The following NHSL2 variants were observed in gnomAD, a reference collection of about 807,000 sequenced individuals.
NHSL2 encodes the protein NHS-like protein 2.
In NHSL2, 27 loss-of-function variants were observed where a neutral mutation model predicts 53.4. That is an observed-to-expected ratio of 0.51 (90% CI 0.37 to 0.70). NHSL2 has a LOEUF of 0.70. Ranked by LOEUF, NHSL2 falls within the 30% of genes least tolerant of loss-of-function variation. NHSL2 has a pLI of 0.00. For synonymous variants in NHSL2, 408 were observed against 404.1 expected (o/e 1.01, Z -0.12); for missense variants, 892 against 980.1 (o/e 0.91, Z 1.20).
intron 1 of NHSL2, among the ~76,000 whole-genome samples, chrX:72,086,996 G>C (rs772100600): frequency 1.8e-5 from 2 of 112,042 alleles, no homozygotes; most frequent in African/African-American, 6.5e-5. Context: ...GCACTGGGCT[G>C]TGAGAGGGCC....
At chrX:72,071,201 G>A (rs2041699768) in intron 1 of NHSL2, among the ~76,000 whole-genome samples, 1 of 111,828 alleles carries the variant, frequency 8.9e-6, no homozygotes, top group African/African-American at 3.3e-5. Context: ...GGTGGACTGA[G>A]CCAAAGAATA....
chrX:72,132,104 T>C lies in NHSL2; in HGVS notation c.306T>C (p.Asn102=). ...ELAAANSGRE[N]ATATAHSRSS... The stretch of plus-strand genomic sequence containing the variant: ...CTGCAGCTAACTCGGGTCGGGAAAA[T>C]GCGACAGCGACTGCCCACTCGAGGT... The change falls in exon 2 of 8, where the codon AAT becomes AAC. Residue 102 remains asparagine (N), a synonymous_variant. Coordinates refer to ENST00000633930, the MANE Select transcript of NHSL2 (RefSeq NM_001013627.3). 1 of 1,166,081 alleles carries C rather than the reference T, an allele frequency of 8.6e-7. No homozygotes were observed. The highest frequency in any genetic ancestry group is 2.6e-5 in the Admixed American group (1 of 38,693).
intron 1 of NHSL2, among the ~76,000 whole-genome samples, chrX:72,055,648 G>A (rs2042365013): frequency 8.9e-6 from 1 of 112,327 alleles, no homozygotes; most frequent in Admixed American, 9.4e-5. Context: ...AACTTGTGAA[G>A]AAGTCGTGAT....
chrX:72,126,653 C>A (rs1338875803), intron 1 of NHSL2, among the ~76,000 whole-genome samples: 2 of 111,322 alleles, frequency 1.8e-5, no homozygotes, highest in African/African-American at 6.5e-5. Flanking sequence ...ACCCCACAGT[C>A]CGTGAGGAGC....
chrX:72,106,216 A>T (rs1407796298), intron 1 of NHSL2, among the ~76,000 whole-genome samples: 1 of 110,904 alleles, frequency 9.0e-6, no homozygotes, highest in Non-Finnish European at 1.9e-5. Context: ...CTAAAAAAAA[A>T]AAAGAAACTT....
chrX:71,988,637 C>T (rs185693612), intron 1 of NHSL2, among the ~76,000 whole-genome samples: 57 of 111,068 alleles, frequency 5.1e-4, no homozygotes, highest in Non-Finnish European at 3.2e-4. Context: ...TAAATGCACC[C>T]CACTTACCCA....
intron 1 of NHSL2, among the ~76,000 whole-genome samples, chrX:71,988,365 A>T (rs1226821705): frequency 8.9e-6 from 1 of 111,790 alleles, no homozygotes; most frequent in African/African-American, 3.3e-5. Flanking sequence ...TACAGCCATC[A>T]GCAAAGGCAG....
chrX:71,978,756 G>GTTTTTTTTTTT (rs56017757), intron 1 of NHSL2, among the ~76,000 whole-genome samples: 2 of 83,649 alleles, frequency 2.4e-5, no homozygotes, highest in Non-Finnish European at 2.4e-5. Flanking sequence ...ACTTGTCAAG[G>GTTTTTTTTTTT]TTTTTTTTTT....
At chrX:71,942,059 G>A (rs1158691754) in intron 1 of NHSL2, among the ~76,000 whole-genome samples, 2 of 109,699 alleles carry the variant, frequency 1.8e-5, no homozygotes, top group African/African-American at 6.7e-5. Context: ...CTAGAGGAGT[G>A]GGGGTGGATG....
intron 1 of NHSL2, among the ~76,000 whole-genome samples, chrX:71,999,167 C>T (rs949661813): frequency 1.3e-4 from 15 of 111,995 alleles, no homozygotes; most frequent in Non-Finnish European, 2.4e-4. Context: ...CCTCTGAATG[C>T]TCCACCACAT....
chrX:72,052,163 G>T (rs987215954), intron 1 of NHSL2, among the ~76,000 whole-genome samples: 4 of 112,267 alleles, frequency 3.6e-5, no homozygotes, highest in African/African-American at 1.3e-4. Flanking sequence ...ACTAGGTGCT[G>T]AGTGGTGGCT....
intron 1 of NHSL2, among the ~76,000 whole-genome samples, chrX:71,971,724 C>G (rs1038656272): frequency 2.7e-5 from 3 of 111,690 alleles, no homozygotes; most frequent in Admixed American, 9.5e-5. Flanking sequence ...TACATAACTA[C>G]CTTTACTGGA....
chrX:72,069,775 T>A, intron 1 of NHSL2: 1 of 842,191 alleles, frequency 1.2e-6, no homozygotes, highest in Non-Finnish European at 1.5e-6. Flanking sequence ...CCTTCCCTCC[T>A]TTTCCGGGGC....
At chrX:72,075,838 A>G (rs1175799480) in intron 1 of NHSL2, among the ~76,000 whole-genome samples, 1 of 109,559 alleles carries the variant, frequency 9.1e-6, no homozygotes, top group African/African-American at 3.3e-5. Context: ...TCTAAAAATC[A>G]CCTGAACCAG....
At chrX:72,018,204 G>T (rs1302932743) in intron 1 of NHSL2, among the ~76,000 whole-genome samples, 1 of 111,403 alleles carries the variant, frequency 9.0e-6, no homozygotes, top group East Asian at 2.8e-4. Context: ...TTGTGTGGGG[G>T]TGAGGACCTG....
chrX:71,914,160 G>A (rs2041617215), intron 1 of NHSL2, among the ~76,000 whole-genome samples: 1 of 112,411 alleles, frequency 8.9e-6, no homozygotes, highest in African/African-American at 3.2e-5. Flanking sequence ...CCACACCCTA[G>A]GCATGGCCCT....
chrX:71,988,233 T>C (rs1397744749), intron 1 of NHSL2, among the ~76,000 whole-genome samples: 3 of 111,745 alleles, frequency 2.7e-5, no homozygotes, highest in Non-Finnish European at 5.6e-5. Flanking sequence ...GGGATCTTTT[T>C]TGAAGGTTTT....
At chrX:72,031,879 A>T (rs2042217026) in intron 1 of NHSL2, among the ~76,000 whole-genome samples, 1 of 111,821 alleles carries the variant, frequency 8.9e-6, no homozygotes, top group Non-Finnish European at 1.9e-5. Flanking sequence ...GGATCTGGTG[A>T]CCCTTTACTC....
intron 1 of NHSL2, among the ~76,000 whole-genome samples, chrX:71,925,346 C>T (rs753097633): frequency 9.0e-6 from 1 of 111,184 alleles, no homozygotes; most frequent in Admixed American, 9.5e-5. Context: ...TCCCCCACTG[C>T]CCTGGTATGC....
Sources: allele counts gnomAD v4.1 joint callset (sites outside exome capture counted in the v4.1 genomes callset), GRCh38; gene constraint gnomAD v4.1.1; transcripts MANE v1.5; gene names NCBI Gene and HGNC (gene_info 2026-07-23, HGNC 2026-07-21).